Variants in ZNF516 observed in about 807,000 individuals in gnomAD.
ZNF516 encodes the protein zinc finger protein 516.
ZNF516 carries 19 observed loss-of-function variants against 79.7 expected under a neutral mutation model. That is an observed-to-expected ratio of 0.24 (90% CI 0.17 to 0.35). The LOEUF is 0.35. ZNF516 is among the 10% of genes least tolerant of loss of function. The pLI, the probability that ZNF516 is intolerant of heterozygous loss-of-function variation, is 1.00. For missense variants in ZNF516, 1,678 were observed against 1,679.5 expected, an observed-to-expected ratio of 1.00 and a Z score of 0.02; for synonymous variants, 877 against 739.5, an observed-to-expected ratio of 1.19 and a Z score of -3.02.
At chr18:76,436,433 G>A (rs970647784) in intron 3 of ZNF516, among the ~76,000 whole-genome samples, 1 of 152,010 alleles carries the variant, frequency 6.6e-6, no homozygotes, top group Non-Finnish European at 1.5e-5. Context: ...TGAGCCTCTC[G>A]TGGGACCCAT....
At chr18:76,492,663 G>A (rs181562378) in intron 1 of ZNF516, 5 of 955,992 alleles carry the variant, frequency 5.2e-6, no homozygotes, top group South Asian at 4.8e-5. Context: ...CAGGGCGCGC[G>A]TGCCCAGGCA....
intron 3 of ZNF516, among the ~76,000 whole-genome samples, chr18:76,390,575 C>T (rs529872177): frequency 2.0e-5 from 3 of 152,308 alleles, no homozygotes; most frequent in South Asian, 2.1e-4. Context: ...GGCCTTGGGT[C>T]GACGGCCAAG....
intron 6 of ZNF516, among the ~76,000 whole-genome samples, chr18:76,368,739 ATT>A (rs974675690): frequency 6.6e-6 from 1 of 152,246 alleles, no homozygotes; most frequent in African/African-American, 2.4e-5. Flanking sequence ...CAATTATTAT[ATT>A]GTTACTCATA....
rs1218279698 is a variant in ZNF516, at chr18:76,456,926, T to C, written c.-158+6102A>G. ...CACTTTGCTGCATTAAATATGCATCTGTTATATTGTGCTGTGAGGCTGGGT... is the reference window on the plus strand; with the variant it reads ...CACTTTGCTGCATTAAATATGCATCCGTTATATTGTGCTGTGAGGCTGGGT... On this transcript the variant is annotated intron_variant, in intron 2 of 6. Coordinates refer to ENST00000443185, the MANE Select transcript of ZNF516 (RefSeq NM_014643.4). Among the ~76,000 whole-genome samples the C allele has an allele frequency of 1.3e-5, 2 of 152,232 alleles. 1 individual carries two copies. Among genetic ancestry groups the C allele is most frequent in the Non-Finnish European group, 2.9e-5 (2 of 68,042 alleles).
chr18:76,361,161 C>A lies in ZNF516; in HGVS notation c.*1337G>T, dbSNP rs1164847351. ...CACAGAACATTTTCATTCAAGGCAG[C>A]AGTAACTTTTGATAATGCATAAAAT... is the stretch of plus-strand genomic sequence containing the variant. On this transcript the variant is annotated 3_prime_UTR_variant, in exon 7 of 7. Transcript: ENST00000443185. 1 of 151,976 alleles carries A rather than the reference C, an allele frequency of 6.6e-6. No individual in the cohort carries two copies. The highest frequency in any genetic ancestry group is 1.5e-5 in the Non-Finnish European group (1 of 67,998). The allele number at this position is 151,976 out of a possible 1,614,324, so 9.4% of individuals were successfully genotyped here. A position where few individuals can be genotyped will look rare whatever the true frequency, so the allele number is the denominator to read the frequency against.
intron 2 of ZNF516, among the ~76,000 whole-genome samples, chr18:76,461,768 C>G (rs1298875777): frequency 6.6e-6 from 1 of 152,238 alleles, no homozygotes; most frequent in Non-Finnish European, 1.5e-5. Context: ...CGCACGGGAA[C>G]CAGCTTGAGG....
chr18:76,373,936 T>A (rs1347346772), intron 4 of ZNF516, among the ~76,000 whole-genome samples: 1 of 152,252 alleles, frequency 6.6e-6, no homozygotes, highest in East Asian at 1.9e-4. Flanking sequence ...AGCTCAAATG[T>A]TCTCACCTAG....
chr18:76,492,151 A>C (rs1191954155), intron 1 of ZNF516: 22 of 985,310 alleles, frequency 2.2e-5, no homozygotes, highest in Non-Finnish European at 2.7e-5. Context: ...TCTCCATTGC[A>C]TCATCCCCAT....
At chr18:76,410,698 T>C (rs1317581648) in intron 3 of ZNF516, among the ~76,000 whole-genome samples, 1 of 152,188 alleles carries the variant, frequency 6.6e-6, no homozygotes, top group African/African-American at 2.4e-5. Context: ...AAATAAACCA[T>C]TCACTTGTGG....
intron 1 of ZNF516, among the ~76,000 whole-genome samples, chr18:76,465,680 G>A (rs1036140481): frequency 7.9e-5 from 12 of 152,330 alleles, no homozygotes; most frequent in Middle Eastern, 3.4e-3. Flanking sequence ...TCTTCCTCCC[G>A]GGAACGATAA....
At chr18:76,418,314 C>A (rs2075460856) in intron 3 of ZNF516, among the ~76,000 whole-genome samples, 1 of 152,120 alleles carries the variant, frequency 6.6e-6, no homozygotes, top group Non-Finnish European at 1.5e-5. Context: ...CTGTAACATG[C>A]TGTAACACAC....
intron 3 of ZNF516, among the ~76,000 whole-genome samples, chr18:76,385,449 T>G (rs1414132204): frequency 6.6e-6 from 1 of 152,216 alleles, no homozygotes; most frequent in Non-Finnish European, 1.5e-5. Flanking sequence ...TACTCCCCTT[T>G]CACTTAAAAT....
At chr18:76,466,458 G>A (rs771092277) in intron 1 of ZNF516, among the ~76,000 whole-genome samples, 3 of 152,318 alleles carry the variant, frequency 2.0e-5, no homozygotes, top group Non-Finnish European at 2.9e-5. Context: ...CGCTCTGCAC[G>A]CTCACCAGGC....
intron 3 of ZNF516, among the ~76,000 whole-genome samples, chr18:76,433,071 T>C (rs528171377): frequency 6.6e-6 from 1 of 152,308 alleles, no homozygotes; most frequent in South Asian, 2.1e-4. Flanking sequence ...TGCGGCACTT[T>C]CCATTGAAGA....
chr18:76,444,166 G>A (rs970494363), intron 2 of ZNF516, among the ~76,000 whole-genome samples: 5 of 152,220 alleles, frequency 3.3e-5, no homozygotes, highest in African/African-American at 1.2e-4. Flanking sequence ...AGGTAAAGCA[G>A]CAGAACGATG....
chr18:76,360,642 A>ATATAT lies in ZNF516; in HGVS notation c.*1855_*1856insATATA, dbSNP rs1269370085. 8 of 107,030 alleles carry ATATAT rather than the reference A, an allele frequency of 7.5e-5. No homozygotes were observed. The highest frequency in any genetic ancestry group is 3.4e-4 in the South Asian group (1 of 2,964). 6.6% of individuals were successfully genotyped at this position (107,030 alleles called of 1,614,324 possible). ...TCAGAAAAAAATAAGTAAAAAAAAA[A>ATATAT]AAAAATATATATATATATATATATA... On this transcript the variant is annotated 3_prime_UTR_variant, in exon 7 of 7. Coordinates refer to ENST00000443185, the MANE Select transcript of ZNF516 (RefSeq NM_014643.4).
chr18:76,473,523 T>A (rs9946709), intron 1 of ZNF516, among the ~76,000 whole-genome samples: 2 of 152,166 alleles, frequency 1.3e-5, no homozygotes, highest in South Asian at 2.1e-4. Flanking sequence ...AGTAGTTGGC[T>A]GGGTGCGGTG....
intron 1 of ZNF516, among the ~76,000 whole-genome samples, chr18:76,481,741 A>G (rs72983950): frequency 0.065 from 9,964 of 152,314 alleles, 404 homozygotes; most frequent in Non-Finnish European, 0.092. Context: ...AAAGAAAATG[A>G]GTACTGGTGG....
intron 2 of ZNF516, among the ~76,000 whole-genome samples, chr18:76,457,949 T>G (rs1306617996): frequency 6.6e-6 from 1 of 152,210 alleles, no homozygotes; most frequent in Non-Finnish European, 1.5e-5. Flanking sequence ...TCTGCAGAGA[T>G]AAGCTTCTTC....
Sources: gnomAD v4.1 joint callset for allele counts (sites outside exome capture counted in the v4.1 genomes callset) on GRCh38, gnomAD v4.1.1 for gene constraint, MANE v1.5 for transcripts, NCBI Gene and HGNC (gene_info 2026-07-23, HGNC 2026-07-21) for gene names.